The following EMCN variants were observed in gnomAD, a reference collection of about 807,000 sequenced individuals.
EMCN encodes the protein endomucin.
In EMCN, 37 loss-of-function variants were observed where a neutral mutation model predicts 38.4. The ratio of observed to expected loss-of-function variants is 0.96; its 90% CI spans 0.74 to 1.27. EMCN has a LOEUF of 1.27. Among genes scored for constraint, EMCN ranks in the 50% most tolerant of loss-of-function variants. The pLI, the probability that EMCN is intolerant of heterozygous loss-of-function variation, is 0.00. For missense variants in EMCN, 318 were observed against 302.8 expected (o/e 1.05, Z -0.37); for synonymous variants, 95 against 100.8 (o/e 0.94, Z 0.35).
intron 1 of EMCN, among the ~76,000 whole-genome samples, chr4:100,517,233 T>C (rs7687598): frequency 0.56 from 84,809 of 151,864 alleles, 24,165 homozygotes; most frequent in East Asian, 0.8. Context: ...GATTTTTATG[T>C]TTATAAATTC....
intron 5 of EMCN, among the ~76,000 whole-genome samples, chr4:100,442,428 A>G (rs913097369): frequency 3.9e-5 from 6 of 152,188 alleles, no homozygotes; most frequent in African/African-American, 1.4e-4. Flanking sequence ...AAATGTCTAT[A>G]TCTCTTTTAA....
chr4:100,416,418 G>A (rs1373351164), intron 9 of EMCN, among the ~76,000 whole-genome samples: 1 of 152,082 alleles, frequency 6.6e-6, no homozygotes, highest in Non-Finnish European at 1.5e-5. Flanking sequence ...CTGAGATACT[G>A]TAGTATAGTA....
chr4:100,476,860 T>C (rs1728665464), intron 2 of EMCN, among the ~76,000 whole-genome samples: 1 of 152,184 alleles, frequency 6.6e-6, no homozygotes, highest in African/African-American at 2.4e-5. Context: ...TCTATTCAAA[T>C]ATAACAGGGA....
intron 5 of EMCN, among the ~76,000 whole-genome samples, chr4:100,430,148 T>C (rs1366098311): frequency 6.6e-6 from 1 of 152,218 alleles, no homozygotes; most frequent in Non-Finnish European, 1.5e-5. Context: ...GACATTGTTC[T>C]AAGTGTCTTA....
At chr4:100,448,492 G>C (rs539174662) in intron 4 of EMCN, among the ~76,000 whole-genome samples, 1 of 152,022 alleles carries the variant, frequency 6.6e-6, no homozygotes, top group Non-Finnish European at 1.5e-5. Flanking sequence ...AAAACAAAAC[G>C]TCAGTAGCCT....
intron 5 of EMCN, among the ~76,000 whole-genome samples, chr4:100,433,689 C>A (rs1727267245): frequency 6.6e-6 from 1 of 152,028 alleles, no homozygotes; most frequent in South Asian, 2.1e-4. Flanking sequence ...TCAAGTGCCA[C>A]CACACCTAGC....
At chr4:100,403,993 G>A (rs377320913) in intron 11 of EMCN, among the ~76,000 whole-genome samples, 10 of 151,918 alleles carry the variant, frequency 6.6e-5, no homozygotes, top group Admixed American at 1.3e-4. Flanking sequence ...TGCATAGTTC[G>A]TGAACATTTT....
chr4:100,407,971 A>G (rs189215787), intron 11 of EMCN, among the ~76,000 whole-genome samples: 1 of 152,266 alleles, frequency 6.6e-6, no homozygotes, highest in Non-Finnish European at 1.5e-5. Flanking sequence ...GTGAAGAACT[A>G]GTCTTTGAGT....
chr4:100,430,663 A>G (rs1727171330), intron 5 of EMCN, among the ~76,000 whole-genome samples: 3 of 152,168 alleles, frequency 2.0e-5, no homozygotes, highest in African/African-American at 4.8e-5. Flanking sequence ...TTTTCAGTGC[A>G]GACTAGGGTG....
intron 1 of EMCN, among the ~76,000 whole-genome samples, chr4:100,517,306 C>T (rs1278017948): frequency 6.6e-6 from 1 of 152,032 alleles, no homozygotes; most frequent in African/African-American, 2.4e-5. Context: ...CAGCAAAAAT[C>T]TATAGACTGT....
intron 11 of EMCN, among the ~76,000 whole-genome samples, chr4:100,402,533 G>GA (rs1467252742): frequency 2.0e-5 from 3 of 152,042 alleles, no homozygotes; most frequent in Admixed American, 6.6e-5. Context: ...ATATCTTAAG[G>GA]AAAAAAGTGA....
In EMCN at chr4:100,423,481, G is replaced by A. The variant is rs569830100; in HGVS notation, c.416-77C>T. 11 of 1,038,712 alleles carry A rather than the reference G, an allele frequency of 1.1e-5. No individual in the cohort carries two copies. The Admixed American group carries it at 1.9e-4, about 18-fold the overall frequency. The allele number at this position is 1,038,712 out of a possible 1,614,324, so 64.3% of individuals were successfully genotyped here. Reference sequence around the variant, plus strand: ...TGGGATTTCTTTGCAGATTCAAACAGTTTGCTTTTCTGAAGATCTGTGAAA... The same window carrying A: ...TGGGATTTCTTTGCAGATTCAAACAATTTGCTTTTCTGAAGATCTGTGAAA... On this transcript the variant is annotated intron_variant, in intron 5 of 11. Coordinates refer to ENST00000296420, the MANE Select transcript of EMCN (RefSeq NM_016242.4).
intron 5 of EMCN, among the ~76,000 whole-genome samples, chr4:100,428,520 C>G (rs959712907): frequency 1.3e-5 from 2 of 151,948 alleles, no homozygotes; most frequent in East Asian, 3.9e-4. Flanking sequence ...GTTTACTTTC[C>G]CTGCTAGAAT....
intron 1 of EMCN, among the ~76,000 whole-genome samples, chr4:100,509,642 C>T (rs1443440368): frequency 6.6e-6 from 1 of 152,170 alleles, no homozygotes; most frequent in African/African-American, 2.4e-5. Context: ...TCTTTTCCCA[C>T]TTCAGTTAAA....
At chr4:100,492,153 TACAC>T (rs1331207433) in intron 1 of EMCN, among the ~76,000 whole-genome samples, 2 of 152,096 alleles carry the variant, frequency 1.3e-5, no homozygotes, top group African/African-American at 4.8e-5. Flanking sequence ...ATGAAATTAA[TACAC>T]AAACATTAAA....
chr4:100,399,786 T>C (rs1726207278), intron 11 of EMCN, among the ~76,000 whole-genome samples: 1 of 152,180 alleles, frequency 6.6e-6, no homozygotes, highest in South Asian at 2.1e-4. Flanking sequence ...TTTAAACTTT[T>C]ATTTTAGGTT....
chr4:100,496,934 T>C (rs1054036346), intron 1 of EMCN, among the ~76,000 whole-genome samples: 2 of 152,132 alleles, frequency 1.3e-5, no homozygotes, highest in Non-Finnish European at 2.9e-5. Context: ...CACCATATGA[T>C]AGCTTCTCCA....
chr4:100,404,280 A>G (rs764172200), intron 11 of EMCN, among the ~76,000 whole-genome samples: 10 of 152,126 alleles, frequency 6.6e-5, no homozygotes, highest in South Asian at 4.1e-4. Flanking sequence ...ATGGCTAGCC[A>G]TTTATCCCAG....
chr4:100,478,520 T>C (rs181560869), intron 2 of EMCN, among the ~76,000 whole-genome samples: 1 of 152,118 alleles, frequency 6.6e-6, no homozygotes, highest in African/African-American at 2.4e-5. Context: ...CCCTTCAAAG[T>C]ACCTTGACAA....
Sources: gnomAD v4.1 joint callset for allele counts (sites outside exome capture counted in the v4.1 genomes callset) on GRCh38, gnomAD v4.1.1 for gene constraint, MANE v1.5 for transcripts, NCBI Gene and HGNC (gene_info 2026-07-23, HGNC 2026-07-21) for gene names.